IGHMBP2: variants seen among roughly 807,000 people sequenced by gnomAD.
IGHMBP2 encodes immunoglobulin mu DNA binding protein 2, also known as DNA-binding protein SMUBP-2.
In IGHMBP2, 81 loss-of-function variants were observed where a neutral mutation model predicts 96.0. The observed-to-expected ratio is 0.84, with a 90% CI of 0.71 to 1.01. IGHMBP2 has a LOEUF of 1.01. Among genes scored for constraint, IGHMBP2 ranks in the 50% least tolerant of loss-of-function variants. The pLI is 0.00. For synonymous variants in IGHMBP2, 557 were observed against 548.9 expected, an observed-to-expected ratio of 1.01 and a Z score of -0.21; for missense variants, 1,227 against 1,306.3, an observed-to-expected ratio of 0.94 and a Z score of 0.94.
intron 14 of IGHMBP2, among the ~76,000 whole-genome samples, chr11:68,938,986 G>A (rs3794033): frequency 0.26 from 39,706 of 152,028 alleles, 5,674 homozygotes; most frequent in Admixed American, 0.41. Context: ...TGAGACCTGT[G>A]GGACAGAAGG....
At position 68,935,175 on chromosome 11, in the gene IGHMBP2, T is replaced by C. The variant is rs1148882; in HGVS notation, c.1633-124T>C. On this transcript the variant is annotated intron_variant, in intron 11 of 14. Coordinates refer to ENST00000255078, the MANE Select transcript of IGHMBP2 (RefSeq NM_002180.3). ...GGGAAGCCTTTCCCCATGGGGCTCC[T>C]GCAGGCTCCGCTTCCCAGGTCCTGG... 3.0e-3 allele frequency: 4,023 copies of C among 1,322,436 alleles called. 96 individuals are homozygous for C. The African/African-American group carries it at 0.052, about 17-fold the overall frequency. 81.9% of individuals were successfully genotyped at this position (1,322,436 alleles called of 1,614,324 possible). A position where few individuals can be genotyped will look rare whatever the true frequency, so the allele number is the denominator to read the frequency against.
chr11:68,910,664 A>G (rs1228829471), intron 4 of IGHMBP2, among the ~76,000 whole-genome samples: 1 of 152,132 alleles, frequency 6.6e-6, no homozygotes, highest in Non-Finnish European at 1.5e-5. Flanking sequence ...CCGGCAGATC[A>G]TGAGGTCAGG....
Position 68,939,826 on chromosome 11 carries a change from C to G in IGHMBP2, c.*95C>G. On this transcript the variant is annotated 3_prime_UTR_variant, in exon 15 of 15. Transcript: ENST00000255078. The stretch of plus-strand genomic sequence containing the variant: ...CGCCTCCACCAGGGCCACAGAGGAG[C>G]GGAGGGGCCTATGGGGGAGGAGCGG... 2 of 1,341,516 alleles carry G rather than the reference C, an allele frequency of 1.5e-6. No individual in the cohort carries two copies. Among genetic ancestry groups the G allele is most frequent in the Non-Finnish European group, 2.1e-6 (2 of 972,216 alleles). The allele number at this position is 1,341,516 out of a possible 1,614,324, so 83.1% of individuals were successfully genotyped here. A position where few individuals can be genotyped will look rare whatever the true frequency, so the allele number is the denominator to read the frequency against.
chr11:68,934,654 GA>G, intron 11 of IGHMBP2, 96 bp downstream of exon 11: 1 of 957,352 alleles, frequency 1.0e-6, no homozygotes, highest in Non-Finnish European at 1.6e-6. Flanking sequence ...TGTGGTGACC[GA>G]AAAGTTCAGG....
At chr11:68,916,975 C>CTTTTTT (rs11418103) in intron 6 of IGHMBP2, among the ~76,000 whole-genome samples, 18 of 103,348 alleles carry the variant, frequency 1.7e-4, no homozygotes, top group African/African-American at 3.9e-4. Flanking sequence ...AAGGTTACAT[C>CTTTTTT]TTTTTTTTTT....
chr11:68,909,907 C>T (rs1858365018), intron 4 of IGHMBP2, among the ~76,000 whole-genome samples: 3 of 152,230 alleles, frequency 2.0e-5, no homozygotes, highest in Admixed American at 1.3e-4. Context: ...GCTGGGATTA[C>T]AGGCGTGAGC....
intron 11 of IGHMBP2, among the ~76,000 whole-genome samples, 197 bp downstream of exon 11, chr11:68,934,755 C>T (rs971197080): frequency 3.3e-5 from 5 of 152,228 alleles, no homozygotes; most frequent in African/African-American, 1.2e-4. Context: ...CCCCACCTTG[C>T]CCCGCCCTGC....
chr11:68,934,487 C>T lies in IGHMBP2; in HGVS notation c.1561C>T (p.His521Tyr), dbSNP rs759965718. 69 of 1,611,762 alleles carry T rather than the reference C, an allele frequency of 4.3e-5. No homozygotes were observed. The highest frequency in any genetic ancestry group is 5.9e-5 in the Non-Finnish European group (69 of 1,178,928). ...NPGEVRLVSL[H>Y]IQALVDAGVP... Reference sequence around the variant, plus strand: ...AGGCGAAGTCCGCCTCGTCAGTTTGCACATCCAGGCTCTGGTGGACGCTGG... The same window carrying T: ...AGGCGAAGTCCGCCTCGTCAGTTTGTACATCCAGGCTCTGGTGGACGCTGG... Residue 521 changes from histidine to tyrosine, a missense_variant, in exon 11 of 15, where the codon CAC becomes TAC. Around this residue, in one of 3 missense-constraint regions of IGHMBP2, gnomAD observed 703 missense variants for 770.3 expected, o/e 0.91. Coordinates refer to ENST00000255078, the MANE Select transcript of IGHMBP2 (RefSeq NM_002180.3).
chr11:68,931,620 C>T (rs1859303837), intron 8 of IGHMBP2, among the ~76,000 whole-genome samples: 1 of 152,166 alleles, frequency 6.6e-6, no homozygotes, highest in African/African-American at 2.4e-5. Flanking sequence ...GGGGCTCCCA[C>T]TGGCTTCATG....
chr11:68,919,672 ATC>A (rs1386639087), intron 7 of IGHMBP2, among the ~76,000 whole-genome samples: 1 of 152,168 alleles, frequency 6.6e-6, no homozygotes, highest in African/African-American at 2.4e-5. Context: ...GGACGTTGAA[ATC>A]TCTGAATATA....
chr11:68,913,043 C>CAAAAAAAAAAAAA (rs71043469), intron 5 of IGHMBP2, among the ~76,000 whole-genome samples: 11 of 37,474 alleles, frequency 2.9e-4, no homozygotes, highest in Non-Finnish European at 4.5e-4. Context: ...ACTCCATCTC[C>CAAAAAAAAAAAAA]AAAAAAAAAA....
At chr11:68,908,404 G>T in intron 3 of IGHMBP2, 67 bp downstream of exon 3, 1 of 1,522,130 alleles carries the variant, frequency 6.6e-7, no homozygotes, top group South Asian at 1.1e-5. Flanking sequence ...ATTCTTACAT[G>T]CCTGTCGCAC....
chr11:68,904,175 G>T, intron 1 of IGHMBP2, 137 bp downstream of exon 1: 2 of 751,382 alleles, frequency 2.7e-6, no homozygotes, highest in South Asian at 1.5e-5. Context: ...GGGATCGTCC[G>T]TCCCCTGCTT....
chr11:68,938,813 C>G (rs1859647707), intron 14 of IGHMBP2, among the ~76,000 whole-genome samples: 2 of 152,142 alleles, frequency 1.3e-5, no homozygotes, highest in Non-Finnish European at 2.9e-5. Context: ...TGTCTCTACC[C>G]TGGAGGATGC....
intron 8 of IGHMBP2, chr11:68,930,040 G>T: frequency 8.9e-7 from 1 of 1,126,430 alleles, no homozygotes; most frequent in Non-Finnish European, 1.1e-6. Flanking sequence ...GGCCTCGCTG[G>T]CCCCTCTGCC....
intron 14 of IGHMBP2, among the ~76,000 whole-genome samples, chr11:68,939,030 C>T (rs973880701): frequency 6.6e-6 from 1 of 152,018 alleles, no homozygotes; most frequent in African/African-American, 2.4e-5. Flanking sequence ...GGGCCGATGG[C>T]GGGTGGGCAG....
intron 6 of IGHMBP2, among the ~76,000 whole-genome samples, chr11:68,915,433 G>A (rs1215741605): frequency 6.6e-6 from 1 of 151,384 alleles, no homozygotes; most frequent in Non-Finnish European, 1.5e-5. Context: ...GCCCGCCTCG[G>A]CCTCTCAAAG....
At chr11:68,916,054 T>A (rs539944) in intron 6 of IGHMBP2, among the ~76,000 whole-genome samples, 151,156 of 151,890 alleles carry the variant, frequency 1, 75,218 homozygotes, top group Middle Eastern at 1. Context: ...GGCACCTGTA[T>A]TCCCAGCCAC....
At chr11:68,926,230 T>C (rs1227229332) in intron 7 of IGHMBP2, 1 of 151,728 alleles carries the variant, frequency 6.6e-6, no homozygotes, top group African/African-American at 2.4e-5. Context: ...GAATTTCAGT[T>C]ATTGTACTTT....
Sources: allele counts gnomAD v4.1 joint callset (sites outside exome capture counted in the v4.1 genomes callset), GRCh38; gene constraint gnomAD v4.1.1; regional missense constraint gnomAD v4.1.1; transcripts MANE v1.5; gene names NCBI Gene and HGNC (gene_info 2026-07-23, HGNC 2026-07-21).